HMCN2: variants seen among roughly 807,000 people sequenced by gnomAD.
The protein encoded by HMCN2 is hemicentin-2.
In HMCN2, 325 loss-of-function variants were observed where a neutral mutation model predicts 377.5. That is an observed-to-expected ratio of 0.86 (90% confidence interval 0.79 to 0.94). The LOEUF is 0.94. HMCN2 is among the 40% of genes least tolerant of loss of function. HMCN2 has a pLI of 0.00. For missense variants in HMCN2, 4,543 were observed against 4,725.3 expected, an observed-to-expected ratio of 0.96 and a Z score of 1.13; for synonymous variants, 2,007 against 2,046.8, an observed-to-expected ratio of 0.98 and a Z score of 0.53.
chr9:130,275,876 G>GCCTGGAGC (rs56184877), intron 1 of HMCN2, among the ~76,000 whole-genome samples: 1 of 152,086 alleles, frequency 6.6e-6, no homozygotes, highest in Non-Finnish European at 1.5e-5. Context: ...AGGCCTGGAG[G>GCCTGGAGC]TCTGAGCGGC....
At chr9:130,282,104 T>C (rs1210689917) in intron 1 of HMCN2, among the ~76,000 whole-genome samples, 1 of 152,216 alleles carries the variant, frequency 6.6e-6, no homozygotes, top group East Asian at 1.9e-4. Flanking sequence ...ATTGCTCTTC[T>C]TAGTCAAAGT....
Position 130,306,262 on chromosome 9 carries a change from G to A in HMCN2, c.1950G>A (p.Glu650=), listed in dbSNP as rs1554936710. The A allele has an allele frequency of 2.1e-6, 1 of 471,104 alleles. No homozygotes were observed. Among genetic ancestry groups the A allele is most frequent in the South Asian group, 1.5e-5 (1 of 64,566 alleles). 29.2% of individuals were successfully genotyped at this position (471,104 alleles called of 1,614,324 possible). A position where few individuals can be genotyped will look rare whatever the true frequency, so the allele number is the denominator to read the frequency against. ...GCCGTGAGAGCCAAGCCCTACAAGA[G>A]GACAGCAGGTGAGGGGCCCAGGACA... is the stretch of plus-strand genomic sequence containing the variant. ...SWSRESQALQ[E]DSRIHVDAQG... is the part of the protein sequence containing the mutation. Residue 650 remains glutamate (E), a synonymous_variant, in exon 12 of 98, where the codon GAG becomes GAA. Coordinates refer to ENST00000683500, the MANE Select transcript of HMCN2 (RefSeq NM_001291815.2).
chr9:130,344,852 G>A (rs1225035900), intron 25 of HMCN2, among the ~76,000 whole-genome samples: 1 of 145,494 alleles, frequency 6.9e-6, no homozygotes, highest in East Asian at 2.1e-4. Flanking sequence ...GTAGTGTTTG[G>A]TATATATGTT....
rs2131213032 is a variant in HMCN2, at chr9:130,270,387, T to A, written c.259+4250T>A. ...TGTTTTATTTTCCTCTCTTCACATT[T>A]AATTCTTCAACTTGAAATTTTAAAA... On this transcript the variant is annotated intron_variant, in intron 1 of 97. Coordinates refer to ENST00000683500, the MANE Select transcript of HMCN2 (RefSeq NM_001291815.2). Among the ~76,000 whole-genome samples, 2 of 147,816 alleles carry A rather than the reference T, an allele frequency of 1.4e-5. 1 individual carries two copies. Among genetic ancestry groups the A allele is most frequent in the South Asian group, 4.4e-4 (2 of 4,564 alleles).
At chr9:130,391,758 G>A (rs961805734) in intron 65 of HMCN2, among the ~76,000 whole-genome samples, 177 bp from the exon 66 acceptor site, 1 of 152,176 alleles carries the variant, frequency 6.6e-6, no homozygotes, top group Non-Finnish European at 1.5e-5. Flanking sequence ...TTCGGGAGGT[G>A]AGAAGAGAGT....
intron 30 of HMCN2, among the ~76,000 whole-genome samples, chr9:130,352,708 G>A (rs950107932): frequency 2.0e-5 from 3 of 151,164 alleles, no homozygotes; most frequent in Non-Finnish European, 4.4e-5. Context: ...CTGTGGCCCC[G>A]CCCCCACCTC....
intron 89 of HMCN2, among the ~76,000 whole-genome samples, chr9:130,425,408 A>G (rs558450715): frequency 2.0e-5 from 3 of 152,092 alleles, no homozygotes; most frequent in Non-Finnish European, 4.4e-5. Flanking sequence ...AGAGCAGCCC[A>G]GCTGGTTAGA....
At chr9:130,395,656 C>T (rs765024311) in intron 71 of HMCN2, among the ~76,000 whole-genome samples, 8 of 152,206 alleles carry the variant, frequency 5.3e-5, no homozygotes, top group Non-Finnish European at 1.2e-4. Flanking sequence ...TCCGTGCCCA[C>T]CCCTCAAATG....
At chr9:130,356,407 G>A (rs1057015119) in intron 34 of HMCN2, 150 bp downstream of exon 34, 15 of 748,884 alleles carry the variant, frequency 2.0e-5, no homozygotes, top group African/African-American at 1.9e-4. Context: ...CCACAGAGAC[G>A]CAGGTGTGAG....
In HMCN2 at chr9:130,285,240, T is replaced by G; in HGVS notation, c.413T>G (p.Val138Gly). The G allele has an allele frequency of 2.1e-6, 1 of 471,128 alleles. No homozygotes were observed. Among genetic ancestry groups the G allele is most frequent in the Middle Eastern group, 3.3e-4 (1 of 3,076 alleles). 29.2% of individuals were successfully genotyped at this position (471,128 alleles called of 1,614,324 possible). A position where few individuals can be genotyped will look rare whatever the true frequency, so the allele number is the denominator to read the frequency against. The change falls in exon 3 of 98, where the codon GTC (valine) becomes GGC (glycine). Residue 138 changes from valine (V) to glycine (G), a missense_variant. Val to Gly is a moderately radical substitution (Grantham distance 109). Coordinates refer to ENST00000683500, the MANE Select transcript of HMCN2 (RefSeq NM_001291815.2). ...EVANPGSFIY[V>G]FSDARAKDYH... ...GCCAACCCCGGATCCTTCATCTACG[T>G]CTTTTCGGATGCCCGCGCCAAAGAC...
intron 1 of HMCN2, 32 bp from the exon 2 acceptor site, chr9:130,284,571 C>T (rs1472283883): frequency 1.5e-5 from 7 of 470,946 alleles, no homozygotes; most frequent in Non-Finnish European, 1.3e-5. Flanking sequence ...GGAGTCCCAG[C>T]CCATCTGGGC....
chr9:130,429,674 T>G lies in HMCN2; in HGVS notation c.14315T>G (p.Leu4772Arg). The change falls in exon 94 of 98, where the codon CTG (leucine) becomes CGG (arginine). Residue 4772 changes from leucine (L) to arginine (R), a missense_variant. Physicochemically the swap from Leu to Arg is moderately radical, Grantham distance 102. Around this residue, in one of 5 missense-constraint regions of HMCN2, gnomAD observed 1,155 missense variants for 1,157.7 expected, o/e 1.00. Coordinates refer to ENST00000683500, the MANE Select transcript of HMCN2 (RefSeq NM_001291815.2). Reference protein sequence around the residue: ...PRGYRMQGPSLPCLDVNECLQ... With the variant: ...PRGYRMQGPSRPCLDVNECLQ... ...GGTTACCGGATGCAGGGCCCCAGCC[T>G]GCCCTGCCTAGGTACGGGGACACCC... The G allele has an allele frequency of 6.5e-7, 1 of 1,533,252 alleles. No homozygotes were observed. Among genetic ancestry groups the G allele is most frequent in the Non-Finnish European group, 8.8e-7 (1 of 1,136,796 alleles). 95.0% of individuals were successfully genotyped at this position (1,533,252 alleles called of 1,614,324 possible).
chr9:130,389,936 C>T (rs933389769), intron 62 of HMCN2, among the ~76,000 whole-genome samples: 1 of 152,184 alleles, frequency 6.6e-6, no homozygotes. Flanking sequence ...GCTGAATATT[C>T]CATTGTGTGG....
At chr9:130,339,964 C>T (rs1838960347) in intron 23 of HMCN2, among the ~76,000 whole-genome samples, 2 of 152,216 alleles carry the variant, frequency 1.3e-5, no homozygotes. Context: ...TTGTGCCCAC[C>T]CAGTTTGGCC....
chr9:130,342,036 TAAA>T (rs1839081404), intron 24 of HMCN2, among the ~76,000 whole-genome samples: 1 of 148,682 alleles, frequency 6.7e-6, no homozygotes, highest in African/African-American at 2.5e-5. Flanking sequence ...AATAAATAAA[TAAA>T]TAAATAAATA....
intron 48 of HMCN2, among the ~76,000 whole-genome samples, chr9:130,373,923 T>G: frequency 7.2e-6 from 1 of 138,218 alleles, no homozygotes; most frequent in African/African-American, 2.7e-5. Context: ...TGGAGAAATT[T>G]GTGGCTGAAT....
At chr9:130,317,492 T>G (rs953169091) in intron 15 of HMCN2, among the ~76,000 whole-genome samples, 8 of 149,312 alleles carry the variant, frequency 5.4e-5, no homozygotes, top group Non-Finnish European at 1.2e-4. Context: ...TCTCTCTCTC[T>G]CTCTCTCTCT....
rs1473620026 is a variant in HMCN2, at chr9:130,327,399, T to G, written c.3283T>G (p.Cys1095Gly). 3 of 152,336 alleles carry G rather than the reference T, an allele frequency of 2.0e-5. No individual in the cohort carries two copies. Among genetic ancestry groups the G allele is most frequent in the African/African-American group, 7.2e-5 (3 of 41,452 alleles). The allele number at this position is 152,336 out of a possible 1,614,324, so 9.4% of individuals were successfully genotyped here. The change falls in exon 22 of 98, where the codon TGC becomes GGC. Residue 1095 changes from cysteine to glycine, a missense_variant. Around this residue, in one of 5 missense-constraint regions of HMCN2, gnomAD observed 547 missense variants for 189.9 expected, o/e 2.88. Transcript: ENST00000683500. ...AKAGEEVTLDCEAKGSPPPLV... is the reference protein window; with the variant it reads ...AKAGEEVTLDGEAKGSPPPLV... Reference sequence around the variant, plus strand: ...GGCTGGCGAAGAGGTGACCCTGGACTGCGAGGCCAAGGGCTCCCCACCCCC... The same window carrying G: ...GGCTGGCGAAGAGGTGACCCTGGACGGCGAGGCCAAGGGCTCCCCACCCCC...
At chr9:130,413,270 G>C (rs1211593830) in intron 85 of HMCN2, among the ~76,000 whole-genome samples, 1 of 152,164 alleles carries the variant, frequency 6.6e-6, no homozygotes, top group Non-Finnish European at 1.5e-5. Flanking sequence ...TTATTGCCTT[G>C]GTTGGACCCT....
Sources: gnomAD v4.1 joint callset for allele counts (sites outside exome capture counted in the v4.1 genomes callset) on GRCh38, gnomAD v4.1.1 for gene constraint, gnomAD v4.1.1 regional missense constraint, MANE v1.5 for transcripts, NCBI Gene and HGNC (gene_info 2026-07-23, HGNC 2026-07-21) for gene names.